Variants in COL24A1 observed in about 807,000 individuals in gnomAD.
COL24A1 encodes the protein collagen type XXIV alpha 1 chain.
In COL24A1, 224 loss-of-function variants were observed where a neutral mutation model predicts 253.9. The ratio of observed to expected loss-of-function variants is 0.88; its 90% confidence interval spans 0.79 to 0.99. The LOEUF (loss-of-function observed/expected upper bound fraction) is 0.99. Among genes scored for constraint, COL24A1 ranks in the 50% least tolerant of loss-of-function variants. The probability of loss-of-function intolerance (pLI) is 0.00; values close to 1 mark genes in which losing one functional copy is unlikely to be tolerated. For synonymous variants in COL24A1, 685 were observed against 673.7 expected, an observed-to-expected ratio of 1.02 and a Z score of -0.26; for missense variants, 2,131 against 2,068.5, an observed-to-expected ratio of 1.03 and a Z score of -0.59.
At chr1:86,143,028 A>G (rs564641874) in intron 2 of COL24A1, among the ~76,000 whole-genome samples, 20 of 152,336 alleles carry the variant, frequency 1.3e-4, no homozygotes, top group African/African-American at 4.8e-4. Flanking sequence ...TTCTGAGGGA[A>G]TAATATTTAC....
intron 20 of COL24A1, among the ~76,000 whole-genome samples, chr1:85,986,150 G>A (rs1159096093): frequency 6.6e-6 from 1 of 151,576 alleles, no homozygotes; most frequent in African/African-American, 2.4e-5. Flanking sequence ...TATTATTAAG[G>A]TTTTCCTGAA....
intron 37 of COL24A1, among the ~76,000 whole-genome samples, chr1:85,854,849 G>A (rs978526960): frequency 6.6e-6 from 1 of 151,956 alleles, no homozygotes; most frequent in Non-Finnish European, 1.5e-5. Context: ...GACTACAGGT[G>A]TGCACCACCA....
chr1:86,062,215 G>A (rs1701141086), intron 8 of COL24A1, among the ~76,000 whole-genome samples: 1 of 151,920 alleles, frequency 6.6e-6, no homozygotes, highest in Non-Finnish European at 1.5e-5. Context: ...TATTACTAGA[G>A]CTCACATAAA....
At chr1:85,870,358 C>A (rs1350330840) in intron 35 of COL24A1, among the ~76,000 whole-genome samples, 1 of 152,202 alleles carries the variant, frequency 6.6e-6, no homozygotes, top group East Asian at 1.9e-4. Context: ...TAATAGACAT[C>A]TACAGAACTT....
At chr1:86,093,615 G>A (rs921388354) in intron 5 of COL24A1, among the ~76,000 whole-genome samples, 1 of 151,786 alleles carries the variant, frequency 6.6e-6, no homozygotes, top group Non-Finnish European at 1.5e-5. Flanking sequence ...AAAGGCAATC[G>A]CAAAAAAACA....
intron 2 of COL24A1, among the ~76,000 whole-genome samples, chr1:86,133,893 C>T (rs1426460788): frequency 1.3e-5 from 2 of 152,072 alleles, no homozygotes; most frequent in African/African-American, 4.8e-5. Flanking sequence ...CCCTCTTTTT[C>T]TATTGATTGG....
intron 47 of COL24A1, among the ~76,000 whole-genome samples, chr1:85,802,658 C>T (rs1025775309): frequency 6.6e-6 from 1 of 152,086 alleles, no homozygotes; most frequent in Non-Finnish European, 1.5e-5. Flanking sequence ...ACCTATTAAA[C>T]CATCACCACT....
intron 53 of COL24A1, among the ~76,000 whole-genome samples, chr1:85,764,499 C>T (rs1356352516): frequency 8.3e-6 from 1 of 120,498 alleles, no homozygotes; most frequent in Non-Finnish European, 1.7e-5. Flanking sequence ...CACACACACA[C>T]ACACACCATA....
intron 3 of COL24A1, among the ~76,000 whole-genome samples, chr1:86,116,432 C>G (rs1706143841): frequency 6.6e-6 from 1 of 152,080 alleles, no homozygotes; most frequent in Admixed American, 6.6e-5. Context: ...CAGGTTAAAT[C>G]ATATGTACTT....
chr1:86,142,076 A>T (rs1487385222), intron 2 of COL24A1, among the ~76,000 whole-genome samples: 4 of 152,184 alleles, frequency 2.6e-5, no homozygotes, highest in African/African-American at 9.7e-5. Flanking sequence ...AGACCAATAC[A>T]AAAATTTAGA....
At chr1:86,015,279 A>G (rs1696884770) in intron 19 of COL24A1, among the ~76,000 whole-genome samples, 2 of 152,198 alleles carry the variant, frequency 1.3e-5, no homozygotes, top group African/African-American at 4.8e-5. Context: ...GCCCCATGAA[A>G]AAACTTAATA....
intron 43 of COL24A1, among the ~76,000 whole-genome samples, chr1:85,829,170 C>T (rs1315719791): frequency 6.7e-6 from 1 of 149,180 alleles, no homozygotes; most frequent in East Asian, 1.9e-4. Flanking sequence ...TTTTATTTCT[C>T]CTTCACTTAT....
chr1:85,862,383 AT>A (rs60258985), intron 37 of COL24A1, among the ~76,000 whole-genome samples: 3 of 151,390 alleles, frequency 2.0e-5, no homozygotes, highest in Non-Finnish European at 2.9e-5. Flanking sequence ...AAGACAATGA[AT>A]TTTTTTAAAG....
intron 5 of COL24A1, among the ~76,000 whole-genome samples, chr1:86,093,251 A>C (rs1285039174): frequency 1.3e-5 from 2 of 152,068 alleles, no homozygotes; most frequent in African/African-American, 4.8e-5. Flanking sequence ...TACAAATTAG[A>C]AATGAACCCT....
intron 20 of COL24A1, among the ~76,000 whole-genome samples, chr1:85,982,123 A>G (rs2100869146): frequency 6.6e-6 from 1 of 152,252 alleles, no homozygotes; most frequent in South Asian, 2.1e-4. Flanking sequence ...TACCAGATGG[A>G]TGAACCTTGA....
chr1:85,845,704 A>G (rs1193774690), intron 39 of COL24A1, among the ~76,000 whole-genome samples: 1 of 151,946 alleles, frequency 6.6e-6, no homozygotes, highest in Non-Finnish European at 1.5e-5. Flanking sequence ...TTGATGTAAC[A>G]GAAAAAGGAT....
intron 47 of COL24A1, among the ~76,000 whole-genome samples, chr1:85,791,077 T>C (rs1306369913): frequency 6.6e-6 from 1 of 152,210 alleles, no homozygotes; most frequent in Admixed American, 6.5e-5. Flanking sequence ...TTTAAGATTG[T>C]TAGCTTTTTG....
At chr1:86,103,445 CTTGT>C (rs1704651056) in intron 5 of COL24A1, among the ~76,000 whole-genome samples, 1 of 152,082 alleles carries the variant, frequency 6.6e-6, no homozygotes, top group Non-Finnish European at 1.5e-5. Flanking sequence ...TTTATGCAGA[CTTGT>C]TTGTGTGGTT....
chr1:85,957,197 G>A lies in COL24A1; in HGVS notation c.2562+4052C>T, dbSNP rs541370421. Among the ~76,000 whole-genome samples, 6 of 152,088 alleles carry A rather than the reference G, an allele frequency of 3.9e-5. No individual in the cohort carries two copies. In the South Asian group the frequency reaches 1.2e-3, roughly 31 times the overall value. ...ACACACCAGGGCCTGTCAGGGGATGGGGTGCAAGGGGAGGGAGAGCATGAG... is the reference window on the plus strand; with the variant it reads ...ACACACCAGGGCCTGTCAGGGGATGAGGTGCAAGGGGAGGGAGAGCATGAG... On this transcript the variant is annotated intron_variant, in intron 24 of 59. Transcript: ENST00000370571.
Sources: gnomAD v4.1 joint callset for allele counts (sites outside exome capture counted in the v4.1 genomes callset) on GRCh38, gnomAD v4.1.1 for gene constraint, MANE v1.5 for transcripts, NCBI Gene and HGNC (gene_info 2026-07-23, HGNC 2026-07-21) for gene names.